Variants in FHIP2A observed in about 807,000 individuals in gnomAD.
The protein encoded by FHIP2A is FHF complex subunit HOOK interacting protein 2A.
FHIP2A carries 46 observed loss-of-function variants against 93.5 expected under a neutral mutation model. The observed-to-expected ratio is 0.49, with a 90% CI of 0.39 to 0.63. The LOEUF (loss-of-function observed/expected upper bound fraction) is 0.63, where lower values mean the gene tolerates loss of function less well. FHIP2A is among the 20% of genes least tolerant of loss of function. The probability of loss-of-function intolerance (pLI) is 0.00; values close to 1 mark genes in which losing one functional copy is unlikely to be tolerated. For synonymous variants in FHIP2A, 332 were observed against 326.5 expected (o/e 1.02, Z -0.18); for missense variants, 769 against 909.7 (o/e 0.85, Z 1.99).
chr10:114,853,214 T>G (rs1195868350), intron 13 of FHIP2A, among the ~76,000 whole-genome samples: 1 of 152,218 alleles, frequency 6.6e-6, no homozygotes, highest in Non-Finnish European at 1.5e-5. Context: ...ACAATATCAG[T>G]AACTATTTAG....
At position 114,863,387 on chromosome 10, in the gene FHIP2A, C is replaced by G; in HGVS notation, c.*1847C>G. ...TATTTCTTAATGTTTTCATAGTGCT[C>G]AATAGGTGTAGTAGCAATGATATTA... is the stretch of plus-strand genomic sequence containing the variant. On this transcript the variant is annotated 3_prime_UTR_variant, in exon 17 of 17. Coordinates refer to ENST00000369248, the MANE Select transcript of FHIP2A (RefSeq NM_020940.4). The G allele has an allele frequency of 2.0e-6, 2 of 1,011,566 alleles. No individual in the cohort carries two copies. Among genetic ancestry groups the G allele is most frequent in the Non-Finnish European group, 2.4e-6 (2 of 845,018 alleles). 62.7% of individuals were successfully genotyped at this position (1,011,566 alleles called of 1,614,324 possible).
intron 13 of FHIP2A, among the ~76,000 whole-genome samples, chr10:114,849,196 A>G (rs2083720180): frequency 6.7e-6 from 1 of 149,608 alleles, no homozygotes; most frequent in Admixed American, 6.7e-5. Context: ...TGTGCAAGTG[A>G]CTTTAGTTTG....
At chr10:114,850,675 G>T (rs1363963322) in intron 13 of FHIP2A, among the ~76,000 whole-genome samples, 1 of 152,110 alleles carries the variant, frequency 6.6e-6, no homozygotes, top group African/African-American at 2.4e-5. Context: ...ACTCCAGCCT[G>T]GGCAACAGAG....
intron 13 of FHIP2A, among the ~76,000 whole-genome samples, chr10:114,852,299 T>C (rs1482239463): frequency 6.6e-6 from 1 of 152,202 alleles, no homozygotes; most frequent in East Asian, 1.9e-4. Flanking sequence ...ATGAATTCTC[T>C]ATCTGAGGTG....
chr10:114,899,557 A>C (rs759071122), exon 17 of FHIP2A: 1 of 717,564 alleles, frequency 1.4e-6, no homozygotes, highest in Non-Finnish European at 2.6e-6. Context: ...CTTCAAGCTC[A>C]GCCAAAAGAA....
At position 114,861,716 on chromosome 10, in the gene FHIP2A, A is replaced by G; in HGVS notation, c.*176A>G. ...GACATTCTTGGTGAAATGTTGTATA[A>G]TGTTGTTTTCATTGGCTTTATCATA... is the stretch of plus-strand genomic sequence containing the variant. On this transcript the variant is annotated 3_prime_UTR_variant, in exon 17 of 17. Transcript: ENST00000369248. 2 of 1,387,282 alleles carry G rather than the reference A, an allele frequency of 1.4e-6. No individual in the cohort carries two copies. The highest frequency in any genetic ancestry group is 1.9e-6 in the Non-Finnish European group (2 of 1,072,796). The allele number at this position is 1,387,282 out of a possible 1,614,324, so 85.9% of individuals were successfully genotyped here.
chr10:114,847,703 TTAA>T (rs1203195370), intron 12 of FHIP2A, among the ~76,000 whole-genome samples: 2 of 152,012 alleles, frequency 1.3e-5, no homozygotes, highest in African/African-American at 4.8e-5. Context: ...AAAGCTCTAC[TTAA>T]TATTAACTGT....
intron 16 of FHIP2A, among the ~76,000 whole-genome samples, chr10:114,888,387 C>T (rs1194958031): frequency 3.3e-5 from 5 of 151,954 alleles, no homozygotes; most frequent in African/African-American, 1.2e-4. Context: ...ATCTGTAACT[C>T]CTAAAGGATG....
Position 114,862,429 on chromosome 10 carries a change from G to A in FHIP2A, c.*889G>A. On this transcript the variant is annotated 3_prime_UTR_variant, in exon 17 of 17. Coordinates refer to ENST00000369248, the MANE Select transcript of FHIP2A (RefSeq NM_020940.4). ...ATTTGATTTTCTTACTGAAACGCATGGTGGTGTCTAGGTGGGGAACTGACT... is the reference window on the plus strand; with the variant it reads ...ATTTGATTTTCTTACTGAAACGCATAGTGGTGTCTAGGTGGGGAACTGACT... The A allele has an allele frequency of 1.0e-6, 1 of 987,498 alleles. No individual in the cohort carries two copies. Among genetic ancestry groups the A allele is most frequent in the Middle Eastern group, 2.8e-4 (1 of 3,546 alleles). 61.2% of individuals were successfully genotyped at this position (987,498 alleles called of 1,614,324 possible). A position where few individuals can be genotyped will look rare whatever the true frequency, so the allele number is the denominator to read the frequency against.
intron 16 of FHIP2A, among the ~76,000 whole-genome samples, chr10:114,891,776 C>T (rs192265640): frequency 4.6e-5 from 7 of 151,906 alleles, no homozygotes; most frequent in Admixed American, 2.6e-4. Flanking sequence ...ACCACCATGC[C>T]GGGCCAATTT....
downstream of FHIP2A, among the ~76,000 whole-genome samples, chr10:114,868,366 G>A (rs985425412): frequency 3.9e-5 from 6 of 152,010 alleles, no homozygotes; most frequent in Admixed American, 3.3e-4. Flanking sequence ...TAGGTTGTAC[G>A]CTCCTTATAA....
chr10:114,883,544 C>T (rs897608567), intron 16 of FHIP2A, among the ~76,000 whole-genome samples: 47 of 152,184 alleles, frequency 3.1e-4, no homozygotes, highest in African/African-American at 1.0e-3. Context: ...ATATTCTATC[C>T]AAGCTTAACA....
intron 1 of FHIP2A, among the ~76,000 whole-genome samples, chr10:114,823,652 A>G (rs1255075295): frequency 2.0e-4 from 27 of 137,716 alleles, no homozygotes; most frequent in Non-Finnish European, 7.9e-5. Flanking sequence ...CCGCCACCAC[A>G]CACGGCTAAT....
chr10:114,877,601 T>C (rs2083896015), intron 16 of FHIP2A, among the ~76,000 whole-genome samples: 1 of 152,190 alleles, frequency 6.6e-6, no homozygotes, highest in Admixed American at 6.5e-5. Flanking sequence ...GGAATTTGTA[T>C]ATTTTTAAAG....
At chr10:114,848,841 C>T in intron 13 of FHIP2A, 104 bp downstream of exon 13, 3 of 751,206 alleles carry the variant, frequency 4.0e-6, no homozygotes, top group Non-Finnish European at 6.7e-6. Flanking sequence ...TGACTTCATT[C>T]TTATTAAAAA....
In FHIP2A at chr10:114,891,535, ATATGTGTGTG is replaced by A. The variant is rs1381908147; in HGVS notation, c.2193-7953_2193-7944del. Among the ~76,000 whole-genome samples the A allele has an allele frequency of 2.3e-3, 291 of 126,482 alleles. 1 individual carries two copies. The highest frequency in any genetic ancestry group is 9.4e-3 in the African/African-American group (272 of 29,064). The allele number at this position is 126,482 out of a possible 152,430, so 83.0% of individuals were successfully genotyped here. A position where few individuals can be genotyped will look rare whatever the true frequency, so the allele number is the denominator to read the frequency against. ...ATGCCACAAGGGTGAATATATATAT[ATATGTGTGTG>A]TGTGTGTGTGTGTGTGTGTGTGTGT... On this transcript the variant is annotated intron_variant, in intron 16 of 16. Transcript: ENST00000369250.
chr10:114,867,878 T>C (rs775362499), downstream of FHIP2A, among the ~76,000 whole-genome samples: 3 of 152,134 alleles, frequency 2.0e-5, no homozygotes, highest in Non-Finnish European at 4.4e-5. Flanking sequence ...TTGAGGTGGC[T>C]TCAAGGAATT....
intron 14 of FHIP2A, 64 bp downstream of exon 14, chr10:114,855,404 A>C: frequency 7.6e-7 from 1 of 1,320,378 alleles, no homozygotes; most frequent in Non-Finnish European, 1.1e-6. Context: ...AATCATCTCA[A>C]GTCTTAGTAG....
chr10:114,888,892 C>T (rs2083956358), intron 16 of FHIP2A, among the ~76,000 whole-genome samples: 1 of 152,170 alleles, frequency 6.6e-6, no homozygotes, highest in South Asian at 2.1e-4. Flanking sequence ...TGTGAGCCAC[C>T]GCGCCCTGCC....
Sources: allele counts gnomAD v4.1 joint callset (sites outside exome capture counted in the v4.1 genomes callset), GRCh38; gene constraint gnomAD v4.1.1; transcripts MANE v1.5; gene names NCBI Gene and HGNC (gene_info 2026-07-23, HGNC 2026-07-21).